Variants in CDK8 observed in about 807,000 individuals in gnomAD.
CDK8 encodes cyclin-dependent kinase 8.
In CDK8, 29 loss-of-function variants were observed where a neutral mutation model predicts 71.5. That is an observed-to-expected ratio of 0.41 (90% CI 0.30 to 0.55). CDK8 has a LOEUF of 0.55. CDK8 is among the 20% of genes least tolerant of loss of function. CDK8 has a pLI of 0.37. For missense variants in CDK8, 288 were observed against 572.6 expected, an observed-to-expected ratio of 0.50 and a Z score of 5.07; for synonymous variants, 161 against 192.1, an observed-to-expected ratio of 0.84 and a Z score of 1.34.
chr13:26,349,251 G>C (rs1378545126), intron 3 of CDK8, 69 bp downstream of exon 3: 1 of 830,714 alleles, frequency 1.2e-6, no homozygotes, highest in Non-Finnish European at 2.0e-6. Flanking sequence ...AAACAGTTAG[G>C]TGTTCTGCTT....
intron 1 of CDK8, among the ~76,000 whole-genome samples, chr13:26,321,311 T>A (rs1874763969): frequency 6.6e-6 from 1 of 152,166 alleles, no homozygotes; most frequent in Admixed American, 6.5e-5. Context: ...ATATTTCCAC[T>A]TACATGAAGT....
chr13:26,389,598 GT>G (rs1367039733), intron 6 of CDK8, among the ~76,000 whole-genome samples: 1 of 152,122 alleles, frequency 6.6e-6, no homozygotes, highest in African/African-American at 2.4e-5. Context: ...CCACACCGTC[GT>G]CTGGTGTACA....
intron 2 of CDK8, among the ~76,000 whole-genome samples, chr13:26,344,898 A>G (rs1238820110): frequency 6.6e-6 from 1 of 152,192 alleles, no homozygotes; most frequent in Non-Finnish European, 1.5e-5. Flanking sequence ...ACACTCTACA[A>G]TAGTGATAAA....
At chr13:26,387,281 A>T (rs1875524645) in intron 6 of CDK8, among the ~76,000 whole-genome samples, 1 of 152,116 alleles carries the variant, frequency 6.6e-6, no homozygotes, top group South Asian at 2.1e-4. Flanking sequence ...TTTTCATTGT[A>T]TGTTTTGATC....
intron 4 of CDK8, among the ~76,000 whole-genome samples, 161 bp from the exon 5 acceptor site, chr13:26,382,653 A>G (rs930093720): frequency 7.2e-5 from 11 of 152,240 alleles, no homozygotes; most frequent in Non-Finnish European, 1.5e-4. Context: ...ACCGCTTTGC[A>G]TATATACATG....
chr13:26,397,750 G>C (rs1356241758), intron 9 of CDK8, among the ~76,000 whole-genome samples: 1 of 152,148 alleles, frequency 6.6e-6, no homozygotes, highest in African/African-American at 2.4e-5. Context: ...ATGGAAAAAT[G>C]ATTTAACCTA....
At chr13:26,274,133 G>A (rs1332153734) in intron 1 of CDK8, among the ~76,000 whole-genome samples, 1 of 152,136 alleles carries the variant, frequency 6.6e-6, no homozygotes, top group Non-Finnish European at 1.5e-5. Flanking sequence ...ATTTTTAGAA[G>A]TGGGTTTGCT....
intron 1 of CDK8, among the ~76,000 whole-genome samples, chr13:26,282,646 T>G (rs1008206002): frequency 2.0e-5 from 3 of 152,032 alleles, no homozygotes; most frequent in African/African-American, 7.2e-5. Context: ...TACACAACAG[T>G]AACACAATGG....
intron 1 of CDK8, among the ~76,000 whole-genome samples, chr13:26,255,898 G>A (rs1871502530): frequency 6.6e-6 from 1 of 152,126 alleles, no homozygotes; most frequent in African/African-American, 2.4e-5. Flanking sequence ...TAAAGCTGAA[G>A]TTCCCTACTG....
At chr13:26,258,065 A>G (rs1871607873) in intron 1 of CDK8, among the ~76,000 whole-genome samples, 1 of 152,160 alleles carries the variant, frequency 6.6e-6, no homozygotes, top group Non-Finnish European at 1.5e-5. Flanking sequence ...CTTTACATTC[A>G]TCATCTAGTT....
chr13:26,401,501 T>G lies in CDK8; in HGVS notation c.1146T>G (p.Thr382=), dbSNP rs764581988. 5 of 1,614,058 alleles carry G rather than the reference T, an allele frequency of 3.1e-6. No individual in the cohort carries two copies. Among genetic ancestry groups the G allele is most frequent in the East Asian group, 4.5e-5 (2 of 44,886 alleles). The change falls in exon 12 of 13, where the codon ACT becomes ACG. Residue 382 remains threonine (T), a synonymous_variant. Transcript: ENST00000381527. This position sits in a 1 kb window ranked among gnomAD's most constrained non-coding sequence, Gnocchi z 4.5. ...NQQQQQGNNH[T]NGTGHPGNQD... is the part of the protein sequence containing the mutation. ...AGCAGCAGCAGGGCAATAACCACAC[T>G]AATGGAACTGGCCACCCAGGGAATC... is the stretch of plus-strand genomic sequence containing the variant.
chr13:26,302,457 C>A (rs904600655), intron 1 of CDK8, among the ~76,000 whole-genome samples: 6 of 152,150 alleles, frequency 3.9e-5, no homozygotes, highest in African/African-American at 1.4e-4. Context: ...TTGGAAGGGT[C>A]TTTTCATGGG....
At position 26,278,572 on chromosome 13, in the gene CDK8, A is replaced by G. The variant is rs187130736; in HGVS notation, c.128+23803A>G. 1.5e-3 allele frequency among the ~76,000 whole-genome samples: 223 copies of G among 152,334 alleles called. 3 individuals carry two copies. The highest frequency in any genetic ancestry group is 3.3e-3 in the Admixed American group (50 of 15,308). The stretch of plus-strand genomic sequence containing the variant: ...ATAAAACTTGCAAGAACAGGAAGCT[A>G]TGCGGAGCAAGCTTCCTGAACTGTC... On this transcript the variant is annotated intron_variant, in intron 1 of 12. Transcript: ENST00000381527.
rs146207557 is a variant in CDK8, at chr13:26,355,049, G to T, written c.456+1169G>T. Among the ~76,000 whole-genome samples the T allele has an allele frequency of 3.3e-5, 5 of 152,234 alleles. No homozygotes were observed. In the East Asian group the frequency reaches 5.8e-4, roughly 18 times the overall value. On this transcript the variant is annotated intron_variant, in intron 4 of 12. Transcript: ENST00000381527. ...GGAAATATCCTGTAGGCTATGAGGC[G>T]GAGCCCATCTGGTCTCTCGCAAAGA... is the stretch of plus-strand genomic sequence containing the variant.
chr13:26,322,883 A>G (rs1160857678), intron 1 of CDK8, among the ~76,000 whole-genome samples: 2 of 152,154 alleles, frequency 1.3e-5, no homozygotes, highest in African/African-American at 2.4e-5. Flanking sequence ...TCGATTTTAT[A>G]TATCTTTGGC....
chr13:26,367,671 C>T (rs577778947), intron 4 of CDK8, among the ~76,000 whole-genome samples: 37 of 152,246 alleles, frequency 2.4e-4, no homozygotes, highest in Non-Finnish European at 4.9e-4. Context: ...GAGCTTTATC[C>T]GTTTTGTTTA....
At chr13:26,264,431 T>C (rs1566462686) in intron 1 of CDK8, among the ~76,000 whole-genome samples, 1 of 152,072 alleles carries the variant, frequency 6.6e-6, no homozygotes, top group Non-Finnish European at 1.5e-5. Context: ...GACTAGCACG[T>C]CACCCCTCCC....
chr13:26,318,027 C>T (rs1874594026), intron 1 of CDK8, among the ~76,000 whole-genome samples: 1 of 151,442 alleles, frequency 6.6e-6, no homozygotes, highest in South Asian at 2.1e-4. Context: ...GTTGGCAAAC[C>T]TTTAGCTAGG....
intron 1 of CDK8, among the ~76,000 whole-genome samples, chr13:26,306,068 G>A (rs1301837033): frequency 6.6e-6 from 1 of 152,074 alleles, no homozygotes; most frequent in East Asian, 1.9e-4. Flanking sequence ...TTTATTTGGT[G>A]CCTGAAAGAG....
Sources: allele counts gnomAD v4.1 joint callset (sites outside exome capture counted in the v4.1 genomes callset), GRCh38; gene constraint gnomAD v4.1.1; non-coding constraint Gnocchi (gnomAD v3.1); transcripts MANE v1.5; gene names NCBI Gene and HGNC (gene_info 2026-07-23, HGNC 2026-07-21).